Variants in EP400 observed in about 807,000 individuals in gnomAD.
EP400 encodes the protein E1A binding protein p400.
EP400 carries 105 observed loss-of-function variants against 354.1 expected under a neutral mutation model. The observed-to-expected ratio is 0.30, with a 90% CI of 0.25 to 0.35. The LOEUF is 0.35. Ranked by LOEUF, EP400 falls within the 10% of genes least tolerant of loss-of-function variation. EP400 has a pLI of 1.00. For synonymous variants in EP400, 1,646 were observed against 1,716.9 expected (o/e 0.96, Z 1.02); for missense variants, 3,280 against 4,121.0 (o/e 0.80, Z 5.59).
chr12:132,008,103 C>T (rs1893645541), intron 15 of EP400, among the ~76,000 whole-genome samples: 2 of 152,116 alleles, frequency 1.3e-5, no homozygotes, highest in South Asian at 2.1e-4. Context: ...CATGCGCCAC[C>T]ACACCCAGCT....
rs916456362 is a variant in EP400, at chr12:132,053,822, C to T, written c.7728+225C>T. ...TTCTCTCCTCCAGGGCTTTTGTGGG[C>T]TTAGTGGCTTTATTGGATTTGGCAG... On this transcript the variant is annotated intron_variant, in intron 43 of 52. Coordinates refer to ENST00000389561, the MANE Select transcript of EP400 (RefSeq NM_015409.5). 3.3e-5 allele frequency among the ~76,000 whole-genome samples: 5 copies of T among 152,188 alleles called. No homozygotes were observed. In the East Asian group the frequency reaches 7.7e-4, roughly 23 times the overall value.
chr12:132,024,869 G>A (rs1339196982), intron 24 of EP400, among the ~76,000 whole-genome samples: 3 of 137,118 alleles, frequency 2.2e-5, no homozygotes, highest in Non-Finnish European at 4.6e-5. Context: ...TTCACCTTCC[G>A]TGACTGCAGC....
chr12:131,963,947 A>G (rs925723839), intron 2 of EP400, among the ~76,000 whole-genome samples: 1 of 152,066 alleles, frequency 6.6e-6, no homozygotes, highest in African/African-American at 2.4e-5. Context: ...CTGTGTTTTC[A>G]ATGTTGGTTC....
chr12:132,051,292 G>A (rs1224881444), intron 41 of EP400, among the ~76,000 whole-genome samples: 5 of 152,198 alleles, frequency 3.3e-5, no homozygotes, highest in East Asian at 1.9e-4. Context: ...TACAGGGTCG[G>A]TGGGTTTCTC....
chr12:131,991,982 G>C (rs1397860745), intron 10 of EP400, among the ~76,000 whole-genome samples, 191 bp from the exon 11 acceptor site: 1 of 152,230 alleles, frequency 6.6e-6, no homozygotes, highest in African/African-American at 2.4e-5. Context: ...GGCAGTGACA[G>C]CTGAACACAG....
intron 2 of EP400, among the ~76,000 whole-genome samples, chr12:131,978,500 A>G (rs961665895): frequency 6.6e-6 from 1 of 152,078 alleles, no homozygotes; most frequent in African/African-American, 2.4e-5. Flanking sequence ...TCGCCTTTTC[A>G]GATTGGCTTC....
chr12:132,007,877 G>C (rs138688823), intron 15 of EP400, among the ~76,000 whole-genome samples: 1 of 152,186 alleles, frequency 6.6e-6, no homozygotes, highest in African/African-American at 2.4e-5. Context: ...CAGTGGGCTT[G>C]TGGTGGGGGT....
Position 132,062,253 on chromosome 12 carries a change from G to A in EP400, c.8028G>A (p.Ser2676=), listed in dbSNP as rs747841094. Residue 2676 remains serine, a synonymous_variant, in exon 46 of 53, where the codon TCG becomes TCA. Transcript: ENST00000389561. ...GVRAVTSVTA[S]AVVTTNLTPV... ...GAGCGGTCACTTCTGTGACAGCCTC[G>A]GCCGTGGTCACTACCAACCTGACCC... is the stretch of plus-strand genomic sequence containing the variant. 11 of 1,614,038 alleles carry A rather than the reference G, an allele frequency of 6.8e-6. No homozygotes were observed. Among genetic ancestry groups the A allele is most frequent in the East Asian group, 6.7e-5 (3 of 44,898 alleles).
rs769968911 is a variant in EP400, at chr12:132,055,018, T to C, written c.7773T>C (p.Thr2591=). 1 of 1,613,970 alleles carries C rather than the reference T, an allele frequency of 6.2e-7. No individual in the cohort carries two copies. Among genetic ancestry groups the C allele is most frequent in the South Asian group, 1.1e-5 (1 of 91,086 alleles). Residue 2591 remains threonine (T), a splice_region_variant and synonymous_variant, in exon 44 of 53, where the codon ACT becomes ACC. Coordinates refer to ENST00000389561, the MANE Select transcript of EP400 (RefSeq NM_015409.5). The stretch of plus-strand genomic sequence containing the variant: ...CAGTTACTGGGACGAGCATGCCCAC[T>C]GGTAAGACAAATACAGAGATGCTGA... ...KTSVTGTSMP[T]GAVSGNVIVN...
At chr12:131,983,260 G>T (rs2136493404) in intron 5 of EP400, among the ~76,000 whole-genome samples, 1 of 152,344 alleles carries the variant, frequency 6.6e-6, no homozygotes, top group Non-Finnish European at 1.5e-5. Flanking sequence ...CCACCCACCA[G>T]ACGTGCTCCC....
chr12:131,978,459 A>G (rs1453217417), intron 2 of EP400, among the ~76,000 whole-genome samples: 2 of 152,154 alleles, frequency 1.3e-5, no homozygotes, highest in East Asian at 3.9e-4. Context: ...GCCTTTTCCA[A>G]GACATCACAG....
intron 39 of EP400, among the ~76,000 whole-genome samples, chr12:132,048,775 C>T (rs1426036242): frequency 1.3e-5 from 2 of 152,116 alleles, no homozygotes; most frequent in Admixed American, 1.3e-4. Context: ...GTCTCGATCT[C>T]CTGACCTCAG....
chr12:131,978,278 C>G (rs984407592), intron 2 of EP400, among the ~76,000 whole-genome samples: 1 of 152,154 alleles, frequency 6.6e-6, no homozygotes, highest in Non-Finnish European at 1.5e-5. Context: ...CCTTTGTATC[C>G]GTGTCCCCCA....
chr12:132,057,362 C>A (rs1384723778), intron 45 of EP400, among the ~76,000 whole-genome samples: 1 of 152,222 alleles, frequency 6.6e-6, no homozygotes, highest in Non-Finnish European at 1.5e-5. Context: ...CATACATCTC[C>A]ATGGAGGACT....
In EP400 at chr12:131,994,379, C is replaced by G. The variant is rs1278680458; in HGVS notation, c.2738-488C>G. ...TGCTGGTAGCTGCTCTTTTCTCTGC[C>G]AGGAGCCAAGATCTCTATGGCGAGT... is the stretch of plus-strand genomic sequence containing the variant. On this transcript the variant is annotated intron_variant, in intron 11 of 52. Coordinates refer to ENST00000389561, the MANE Select transcript of EP400 (RefSeq NM_015409.5). This position sits in a 1 kb window ranked among gnomAD's most constrained non-coding sequence, Gnocchi z 4.6. 1.3e-5 allele frequency among the ~76,000 whole-genome samples: 2 copies of G among 152,060 alleles called. No homozygotes were observed. Among genetic ancestry groups the G allele is most frequent in the African/African-American group, 4.8e-5 (2 of 41,402 alleles).
In EP400 at chr12:132,052,467, C is replaced by T. The variant is rs1176137001; in HGVS notation, c.7395-679C>T. The stretch of plus-strand genomic sequence containing the variant: ...CTGGCAGCCGCGCCCCAGCCCTTCA[C>T]TTAACTGCCCTCGTGAGATGTTTTC... On this transcript the variant is annotated intron_variant, in intron 41 of 52. Transcript: ENST00000389561. This position sits in a 1 kb window ranked among gnomAD's most constrained non-coding sequence, Gnocchi z 4.4. Among the ~76,000 whole-genome samples, 1 of 152,256 alleles carries T rather than the reference C, an allele frequency of 6.6e-6. No homozygotes were observed. Among genetic ancestry groups the T allele is most frequent in the African/African-American group, 2.4e-5 (1 of 41,470 alleles).
Position 131,975,715 on chromosome 12 carries a change from A to G in EP400, c.1336-3979A>G, listed in dbSNP as rs531797368. Among the ~76,000 whole-genome samples the G allele has an allele frequency of 2.0e-5, 3 of 152,138 alleles. No homozygotes were observed. The South Asian group carries it at 6.2e-4, about 32-fold the overall frequency. ...GCTGGGAGTACAGGCCTGTGCCACC[A>G]TACCTAGCTAATTTTTGTATTTTTG... On this transcript the variant is annotated intron_variant, in intron 2 of 52. Coordinates refer to ENST00000389561, the MANE Select transcript of EP400 (RefSeq NM_015409.5).
chr12:131,997,166 T>C (rs376404770), intron 12 of EP400, among the ~76,000 whole-genome samples: 52 of 152,172 alleles, frequency 3.4e-4, no homozygotes, highest in African/African-American at 1.1e-3. Flanking sequence ...AATTTGCATA[T>C]AGCTTTTGAC....
rs1440901089 is a variant in EP400, at chr12:132,053,620, G to C, written c.7728+23G>C. 4 of 1,499,668 alleles carry C rather than the reference G, an allele frequency of 2.7e-6. No individual in the cohort carries two copies. The South Asian group carries it at 5.1e-5, about 19-fold the overall frequency. 92.9% of individuals were successfully genotyped at this position (1,499,668 alleles called of 1,614,324 possible). On this transcript the variant is annotated intron_variant, in intron 43 of 52. Coordinates refer to ENST00000389561, the MANE Select transcript of EP400 (RefSeq NM_015409.5). Reference sequence around the variant, plus strand: ...CTGGTGAGCAGGGGCCTCCTCCCGGGCTTCCCCTCTACGGGAAGTCACCCA... The same window carrying C: ...CTGGTGAGCAGGGGCCTCCTCCCGGCCTTCCCCTCTACGGGAAGTCACCCA...
Sources: gnomAD v4.1 joint callset for allele counts (sites outside exome capture counted in the v4.1 genomes callset) on GRCh38, gnomAD v4.1.1 for gene constraint, Gnocchi (gnomAD v3.1) non-coding constraint, MANE v1.5 for transcripts, NCBI Gene and HGNC (gene_info 2026-07-23, HGNC 2026-07-21) for gene names.